ZNF532: variants seen among roughly 807,000 people sequenced by gnomAD.
ZNF532 encodes the protein zinc finger protein 532.
A neutral mutation model predicts 89.3 loss-of-function variants in ZNF532; 22 were observed. The observed-to-expected ratio is 0.25, with a 90% CI of 0.18 to 0.35. The LOEUF is 0.35. Ranked by LOEUF, ZNF532 falls within the 10% of genes least tolerant of loss-of-function variation. The probability of loss-of-function intolerance (pLI) is 1.00; values close to 1 mark genes in which losing one functional copy is unlikely to be tolerated. For missense variants in ZNF532, 1,132 were observed against 1,643.4 expected (o/e 0.69, Z 5.38); for synonymous variants, 606 against 649.6 (o/e 0.93, Z 1.02).
chr18:58,957,011 A>C lies in ZNF532; in HGVS notation c.3150+3212A>C, dbSNP rs970682347. Among the ~76,000 whole-genome samples the C allele has an allele frequency of 2.0e-5, 3 of 152,208 alleles. No homozygotes were observed. The South Asian group carries it at 6.2e-4, about 32-fold the overall frequency. ...AAAGTATTTCTTGAATTAATAGACC[A>C]AGAATGAGTTCTGATTTGGAAGACA... On this transcript the variant is annotated intron_variant, in intron 7 of 9. Transcript: ENST00000591808.
intron 2 of ZNF532, among the ~76,000 whole-genome samples, chr18:58,898,514 C>G (rs1739420751): frequency 6.6e-6 from 1 of 152,230 alleles, no homozygotes; most frequent in Non-Finnish European, 1.5e-5. Flanking sequence ...GTCCTTGCAG[C>G]CTACTCTCCC....
At chr18:58,932,024 T>C (rs2062005831) in intron 3 of ZNF532, among the ~76,000 whole-genome samples, 1 of 151,726 alleles carries the variant, frequency 6.6e-6, no homozygotes, top group Admixed American at 6.6e-5. Context: ...AATGTGGGAG[T>C]AACTAAGTGT....
At chr18:58,895,435 G>A (rs1364170508) in intron 2 of ZNF532, among the ~76,000 whole-genome samples, 1 of 152,192 alleles carries the variant, frequency 6.6e-6, no homozygotes, top group African/African-American at 2.4e-5. Context: ...TCTCAAAATG[G>A]GTTGGGGATA....
In ZNF532 at chr18:58,872,396, A is replaced by G. The variant is rs571321641; in HGVS notation, c.-18+6817A>G. ...CCAAGGCTGACTCCCGGGGCTAGTA[A>G]TGGGTATTGATTTTATCATTTTCTT... is the stretch of plus-strand genomic sequence containing the variant. On this transcript the variant is annotated intron_variant, in intron 2 of 9. Coordinates refer to ENST00000591808, the MANE Select transcript of ZNF532 (RefSeq NM_001375912.1). 6.4e-4 allele frequency among the ~76,000 whole-genome samples: 97 copies of G among 152,284 alleles called. 1 individual carries two copies. Among genetic ancestry groups the G allele is most frequent in the African/African-American group, 2.1e-3 (88 of 41,560 alleles).
chr18:58,869,643 A>G (rs1448925264), intron 2 of ZNF532, among the ~76,000 whole-genome samples: 1 of 152,052 alleles, frequency 6.6e-6, no homozygotes, highest in Non-Finnish European at 1.5e-5. Flanking sequence ...TATTAATAAT[A>G]TTTGAAGTTA....
chr18:58,893,138 C>T (rs1014232083), intron 2 of ZNF532, among the ~76,000 whole-genome samples: 2 of 151,908 alleles, frequency 1.3e-5, no homozygotes, highest in African/African-American at 4.8e-5. Flanking sequence ...GCCACCGCAC[C>T]CAGCTAATTT....
At chr18:58,893,044 C>T (rs1407245040) in intron 2 of ZNF532, among the ~76,000 whole-genome samples, 2 of 148,388 alleles carry the variant, frequency 1.3e-5, no homozygotes, top group East Asian at 2.0e-4. Context: ...TGCAATGGCG[C>T]GATTTCAGCT....
rs574224783 is a variant in ZNF532, at chr18:58,916,145, A to T, written c.-17-2126A>T. Reference sequence around the variant, plus strand: ...CTTTAGATCAACATGGTTGGTAAGGATAGATCACAGGGATACTCTGCTAAT... The same window carrying T: ...CTTTAGATCAACATGGTTGGTAAGGTTAGATCACAGGGATACTCTGCTAAT... On this transcript the variant is annotated intron_variant, in intron 2 of 9. Transcript: ENST00000591808. Among the ~76,000 whole-genome samples, 163 of 152,376 alleles carry T rather than the reference A, an allele frequency of 1.1e-3. 1 individual carries two copies. Among genetic ancestry groups the T allele is most frequent in the African/African-American group, 3.9e-3 (162 of 41,598 alleles).
chr18:58,884,776 A>G (rs1422245140), intron 2 of ZNF532, among the ~76,000 whole-genome samples: 1 of 149,868 alleles, frequency 6.7e-6, no homozygotes, highest in Non-Finnish European at 1.5e-5. Context: ...TCATTAAGGG[A>G]AAAAAAGGCA....
chr18:58,958,297 A>T (rs2065005472), intron 7 of ZNF532, among the ~76,000 whole-genome samples: 1 of 152,226 alleles, frequency 6.6e-6, no homozygotes, highest in South Asian at 2.1e-4. Context: ...CTTAAAACCT[A>T]CAATTTGCTG....
At chr18:58,979,392 G>GCA (rs2067447564) in intron 8 of ZNF532, 1 of 252,040 alleles carries the variant, frequency 4.0e-6, no homozygotes, top group Non-Finnish European at 7.6e-6. Context: ...TACATTGTGT[G>GCA]TTTTTTTTTT....
chr18:58,942,007 CTTTCT>C (rs1300198995), intron 5 of ZNF532, among the ~76,000 whole-genome samples: 24 of 134,080 alleles, frequency 1.8e-4, no homozygotes, highest in East Asian at 1.7e-3. Flanking sequence ...TTCCTTCCTT[CTTTCT>C]TTTCTTTTCT....
intron 3 of ZNF532, 41 bp downstream of exon 3, chr18:58,920,674 T>C: frequency 6.6e-7 from 1 of 1,524,930 alleles, no homozygotes; most frequent in Non-Finnish European, 8.8e-7. Flanking sequence ...GTGATGAGTC[T>C]GTAGGCATGA....
At position 58,986,475 on chromosome 18, in the gene ZNF532, A is replaced by G. The variant is rs1287953310; in HGVS notation, c.*2009A>G. ...TCAACAAATAAAAAGTATGTACAAA[A>G]CATGATACAGAATTTTTGTTTTTGG... is the stretch of plus-strand genomic sequence containing the variant. On this transcript the variant is annotated 3_prime_UTR_variant, in exon 10 of 10. Transcript: ENST00000591808. 1 of 152,680 alleles carries G rather than the reference A, an allele frequency of 6.5e-6. No individual in the cohort carries two copies. Among genetic ancestry groups the G allele is most frequent in the African/African-American group, 2.4e-5 (1 of 41,466 alleles). The allele number at this position is 152,680 out of a possible 1,614,324, so 9.5% of individuals were successfully genotyped here.
rs1568247461 is a variant in ZNF532, at chr18:58,888,826, AAT to A, written c.-18+23248_-18+23249del. Among the ~76,000 whole-genome samples, 11 of 38,830 alleles carry A rather than the reference AAT, an allele frequency of 2.8e-4. No individual in the cohort carries two copies. The South Asian group carries it at 4.7e-3, about 16-fold the overall frequency. 25.5% of individuals were successfully genotyped at this position (38,830 alleles called of 152,430 possible). On this transcript the variant is annotated intron_variant, in intron 2 of 9. Transcript: ENST00000591808. ...ATATATATAAAAAATTATATATATA[AAT>A]TATATATATAATTTATATATATATA... is the stretch of plus-strand genomic sequence containing the variant.
At chr18:58,899,722 C>T (rs1308322328) in intron 2 of ZNF532, among the ~76,000 whole-genome samples, 1 of 152,212 alleles carries the variant, frequency 6.6e-6, no homozygotes, top group East Asian at 1.9e-4. Context: ...CTGCCTCGGC[C>T]TCCCAATATG....
At chr18:58,954,267 A>G in intron 7 of ZNF532, 2 of 987,494 alleles carry the variant, frequency 2.0e-6, no homozygotes, top group Non-Finnish European at 2.4e-6. Flanking sequence ...AACTTCCAGT[A>G]GAAGCTCTGT....
At position 58,959,253 on chromosome 18, in the gene ZNF532, G is replaced by GTTTTTTTTTTTTTTTTTTTTT. The variant is rs201150500; in HGVS notation, c.3150+5460_3150+5461insTTTTTTTTTTTTTTTTTTTTT. On this transcript the variant is annotated intron_variant, in intron 7 of 9. Transcript: ENST00000591808. ...GAACCTTAGATCTTTTCAGTTTTTTGTTTTTTGTTTTTTTTTGTTTTTTTT... is the reference window on the plus strand; with the variant it reads ...GAACCTTAGATCTTTTCAGTTTTTTGTTTTTTTTTTTTTTTTTTTTTTTTTTTGTTTTTTTTTGTTTTTTTT... Among the ~76,000 whole-genome samples the GTTTTTTTTTTTTTTTTTTTTT allele has an allele frequency of 1.5e-4, 18 of 121,662 alleles. No individual in the cohort carries two copies. In the East Asian group the frequency reaches 1.6e-3, roughly 11 times the overall value. 79.8% of individuals were successfully genotyped at this position (121,662 alleles called of 152,430 possible).
intron 2 of ZNF532, among the ~76,000 whole-genome samples, chr18:58,880,847 C>T (rs1490694472): frequency 6.7e-6 from 1 of 149,738 alleles, no homozygotes; most frequent in Non-Finnish European, 1.5e-5. Context: ...GTTTATCTGG[C>T]CAATGTTAAT....
Sources: gnomAD v4.1 joint callset for allele counts (sites outside exome capture counted in the v4.1 genomes callset) on GRCh38, gnomAD v4.1.1 for gene constraint, MANE v1.5 for transcripts, NCBI Gene and HGNC (gene_info 2026-07-23, HGNC 2026-07-21) for gene names.